Variants in TOPAZ1 observed in about 807,000 individuals in gnomAD.
TOPAZ1 encodes protein TOPAZ1.
Under a neutral mutation model 172.2 loss-of-function variants are expected in TOPAZ1, and 66 were observed. The observed-to-expected ratio is 0.38, with a 90% CI of 0.31 to 0.47. TOPAZ1 has a LOEUF of 0.47. Ranked by LOEUF, TOPAZ1 falls within the 20% of genes least tolerant of loss-of-function variation. The pLI, the probability that TOPAZ1 is intolerant of heterozygous loss-of-function variation, is 0.99. For synonymous variants in TOPAZ1, 681 were observed against 683.9 expected (o/e 1.00, Z 0.07); for missense variants, 1,822 against 1,972.4 (o/e 0.92, Z 1.44).
chr3:44,322,987 G>A, intron 17 of TOPAZ1, 105 bp from the exon 18 acceptor site: 1 of 681,796 alleles, frequency 1.5e-6, no homozygotes, highest in Non-Finnish European at 2.4e-6. Context: ...GTCCTATAAT[G>A]GGTAAGAAAG....
intron 16 of TOPAZ1, among the ~76,000 whole-genome samples, chr3:44,314,275 C>A (rs1405775727): frequency 6.6e-6 from 1 of 152,118 alleles, no homozygotes; most frequent in Non-Finnish European, 1.5e-5. Context: ...CTGGACCTTA[C>A]TTTTTTGTGA....
intron 5 of TOPAZ1, among the ~76,000 whole-genome samples, chr3:44,265,816 G>A (rs1012909200): frequency 5.9e-5 from 9 of 152,148 alleles, no homozygotes; most frequent in African/African-American, 2.2e-4. Context: ...AGGATTTTTG[G>A]AATGGTTAAA....
intron 11 of TOPAZ1, among the ~76,000 whole-genome samples, chr3:44,289,176 G>A (rs1700109148): frequency 6.6e-6 from 1 of 152,184 alleles, no homozygotes; most frequent in African/African-American, 2.4e-5. Context: ...TCTCTTGCAG[G>A]TTTGTTTATA....
intron 18 of TOPAZ1, among the ~76,000 whole-genome samples, chr3:44,326,011 T>A (rs1700597622): frequency 6.6e-6 from 1 of 152,242 alleles, no homozygotes; most frequent in African/African-American, 2.4e-5. Context: ...CAATACTTTG[T>A]TCCTTTTTAT....
At chr3:44,318,019 G>A (rs1174500074) in intron 16 of TOPAZ1, among the ~76,000 whole-genome samples, 3 of 152,166 alleles carry the variant, frequency 2.0e-5, no homozygotes. Flanking sequence ...TTGGTCCACA[G>A]TCAGTATTTC....
chr3:44,330,858 T>C (rs930228046), intron 19 of TOPAZ1, among the ~76,000 whole-genome samples: 1 of 152,230 alleles, frequency 6.6e-6, no homozygotes, highest in African/African-American at 2.4e-5. Context: ...TCACAATTGA[T>C]TGCAGATGGC....
chr3:44,267,868 T>C (rs1699849553), intron 6 of TOPAZ1, among the ~76,000 whole-genome samples: 1 of 152,182 alleles, frequency 6.6e-6, no homozygotes, highest in Non-Finnish European at 1.5e-5. Flanking sequence ...TGCTGCCTCG[T>C]GTTGTATACT....
chr3:44,279,567 T>C (rs79736190), intron 8 of TOPAZ1, among the ~76,000 whole-genome samples: 446 of 152,294 alleles, frequency 2.9e-3, no homozygotes, highest in Non-Finnish European at 4.3e-3. Context: ...CTTTAAATAA[T>C]GACTTTATCT....
intron 12 of TOPAZ1, among the ~76,000 whole-genome samples, chr3:44,292,219 C>T (rs1055730569): frequency 6.6e-6 from 1 of 152,118 alleles, no homozygotes; most frequent in Non-Finnish European, 1.5e-5. Context: ...TGATAATTAA[C>T]AATATTCATG....
intron 8 of TOPAZ1, among the ~76,000 whole-genome samples, chr3:44,278,537 A>T (rs181606355): frequency 6.6e-6 from 1 of 152,030 alleles, no homozygotes; most frequent in African/African-American, 2.4e-5. Context: ...GGTCTGTTCA[A>T]GTTTTCTGTT....
downstream of TOPAZ1, among the ~76,000 whole-genome samples, chr3:44,332,975 T>C (rs1004650304): frequency 2.0e-5 from 3 of 151,448 alleles, no homozygotes; most frequent in Admixed American, 6.6e-5. Flanking sequence ...ATTTTTGTTT[T>C]TTGGTGTTTT....
At chr3:44,275,723 G>T (rs1464232508) in intron 8 of TOPAZ1, among the ~76,000 whole-genome samples, 1 of 151,876 alleles carries the variant, frequency 6.6e-6, no homozygotes, top group Non-Finnish European at 1.5e-5. Context: ...CCCAGTAGTG[G>T]GATTGCTAAA....
chr3:44,245,247 A>T lies in TOPAZ1; in HGVS notation c.2741A>T (p.Lys914Ile). Residue 914 changes from lysine to isoleucine, a missense_variant, in exon 2 of 20, where the codon AAA becomes ATA. Lys to Ile is a moderately radical substitution (Grantham distance 102). This residue lies in a region of TOPAZ1 where 1,489 missense variants were observed against 1,490.8 expected (regional missense o/e 1.00). Transcript: ENST00000309765. Reference protein sequence around the residue: ...TDSKYMETPVKKEPSDDLREL... With the variant: ...TDSKYMETPVIKEPSDDLREL... Reference sequence around the variant, plus strand: ...TCCAAGTACATGGAAACTCCAGTAAAAAAAGAACCAAGTGATGACTTAAGG... The same window carrying T: ...TCCAAGTACATGGAAACTCCAGTAATAAAAGAACCAAGTGATGACTTAAGG... 2 of 1,540,032 alleles carry T rather than the reference A, an allele frequency of 1.3e-6. No homozygotes were observed. Among genetic ancestry groups the T allele is most frequent in the Non-Finnish European group, 1.7e-6 (2 of 1,143,290 alleles).
In TOPAZ1 at chr3:44,262,426, T is replaced by C. The variant is rs187914231; in HGVS notation, c.2963T>C (p.Phe988Ser). 2.0e-6 allele frequency: 3 copies of C among 1,483,530 alleles called. No homozygotes were observed. In the Admixed American group the frequency reaches 6.1e-5, roughly 30 times the overall value. The allele number at this position is 1,483,530 out of a possible 1,614,324, so 91.9% of individuals were successfully genotyped here. Residue 988 changes from phenylalanine (F) to serine (S), a missense_variant, in exon 5 of 20, where the codon TTT becomes TCT. This residue lies in a region of TOPAZ1 where 1,489 missense variants were observed against 1,490.8 expected (regional missense o/e 1.00). Coordinates refer to ENST00000309765, the MANE Select transcript of TOPAZ1 (RefSeq NM_001145030.2). ...ACCATAATCTCTTCACAGCATAGATTTACAGACAAAGTGATTACCAAAGAA... is the reference window on the plus strand; with the variant it reads ...ACCATAATCTCTTCACAGCATAGATCTACAGACAAAGTGATTACCAAAGAA... ...KGSDLDEKHR[F>S]TDKVITKEEK...
chr3:44,330,352 G>A lies in TOPAZ1; in HGVS notation c.4860-1440G>A, dbSNP rs551162389. On this transcript the variant is annotated intron_variant, in intron 19 of 19. Transcript: ENST00000309765. ...AATTTGGAAGGTATTTGTAACCATA[G>A]TGCATAACTAGTGACATACCTAAAT... is the stretch of plus-strand genomic sequence containing the variant. Among the ~76,000 whole-genome samples the A allele has an allele frequency of 2.6e-5, 4 of 152,274 alleles. No individual in the cohort carries two copies. The East Asian group carries it at 7.7e-4, about 29-fold the overall frequency.
rs952976624 is a variant in TOPAZ1 at position 44,251,962 on chromosome 3, A to AT, written c.2766-2997dup. On this transcript the variant is annotated intron_variant, in intron 2 of 19. Transcript: ENST00000309765. ...AAGTTACAATTTTTCTCACTTTATG[A>AT]TTTTTTTTTCACCCAGGTGAATTTA... Among the ~76,000 whole-genome samples, 76 of 151,426 alleles carry AT rather than the reference A, an allele frequency of 5.0e-4. 1 individual carries two copies. Among genetic ancestry groups the AT allele is most frequent in the East Asian group, 3.9e-4 (2 of 5,164 alleles).
intron 11 of TOPAZ1, 103 bp from the exon 12 acceptor site, chr3:44,290,668 G>T: frequency 6.1e-6 from 4 of 658,790 alleles, no homozygotes; most frequent in South Asian, 1.9e-5. Context: ...TTGTCTCCAT[G>T]TTTCACTTCT....
Position 44,251,889 on chromosome 3 carries a change from A to G in TOPAZ1, c.2766-3079A>G, listed in dbSNP as rs185946359. On this transcript the variant is annotated intron_variant, in intron 2 of 19. Transcript: ENST00000309765. Reference sequence around the variant, plus strand: ...TTTCCCTTTTCTATTTCACCAATTCAGAACTGTGACTACACTCCACCAATG... The same window carrying G: ...TTTCCCTTTTCTATTTCACCAATTCGGAACTGTGACTACACTCCACCAATG... Among the ~76,000 whole-genome samples, 350 of 152,232 alleles carry G rather than the reference A, an allele frequency of 2.3e-3. 2 individuals are homozygous for G. Among genetic ancestry groups the G allele is most frequent in the Non-Finnish European group, 3.8e-3 (259 of 68,018 alleles).
At position 44,309,970 on chromosome 3, in the gene TOPAZ1, G is replaced by A; in HGVS notation, c.4286G>A (p.Gly1429Asp). Residue 1429 changes from glycine (G) to aspartate (D), a missense_variant, in exon 16 of 20, where the codon GGT becomes GAT. Transcript: ENST00000309765. Reference protein sequence around the residue: ...EIFLKSGSLDGAIWVMRESEW... With the variant: ...EIFLKSGSLDDAIWVMRESEW... ...TTTCTAAAAAGTGGAAGCCTAGATG[G>A]TGCCATTTGGGTAATGAGGGGTAAG... The A allele has an allele frequency of 1.9e-6, 3 of 1,549,698 alleles. No individual in the cohort carries two copies. Among genetic ancestry groups the A allele is most frequent in the Non-Finnish European group, 8.7e-7 (1 of 1,146,494 alleles).
Sources: allele counts gnomAD v4.1 joint callset (sites outside exome capture counted in the v4.1 genomes callset), GRCh38; gene constraint gnomAD v4.1.1; regional missense constraint gnomAD v4.1.1; transcripts MANE v1.5; gene names NCBI Gene and HGNC (gene_info 2026-07-23, HGNC 2026-07-21).